The following SPRR2B variants were observed in gnomAD, a reference collection of about 807,000 sequenced individuals.
SPRR2B encodes the protein small proline-rich protein 2B.
A neutral mutation model predicts 1.0 loss-of-function variants in SPRR2B; 1 was observed. The ratio of observed to expected loss-of-function variants is 1.01; its 90% CI spans 0.36 to 4.77. The LOEUF is 4.77. Ranked by LOEUF, SPRR2B falls within the 30% of genes most tolerant of loss-of-function variation. The pLI, the probability that SPRR2B is intolerant of heterozygous loss-of-function variation, is 0.16. For missense variants in SPRR2B, 53 were observed against 88.7 expected (o/e 0.60, Z 1.62); for synonymous variants, 27 against 33.4 (o/e 0.81, Z 0.66).
the SPRR2B span, among the ~76,000 whole-genome samples, chr1:153,079,940 A>G: frequency 6.6e-6 from 1 of 152,160 alleles, no homozygotes; most frequent in Non-Finnish European, 1.5e-5. Flanking sequence ...CATTGAATCT[A>G]TAAATTACTT....
the SPRR2B span, among the ~76,000 whole-genome samples, chr1:153,076,860 C>T: frequency 6.6e-6 from 1 of 152,028 alleles, no homozygotes; most frequent in Non-Finnish European, 1.5e-5. Context: ...AATGGAATAC[C>T]ACACAATTAT....
chr1:153,076,488 G>A (rs1654768699), upstream of SPRR2B, among the ~76,000 whole-genome samples: 1 of 151,992 alleles, frequency 6.6e-6, no homozygotes, highest in Non-Finnish European at 1.5e-5. Flanking sequence ...AAGTCAAAAA[G>A]GAAAACAAAG....
chr1:153,078,387 A>T, the SPRR2B span, among the ~76,000 whole-genome samples: 1 of 152,192 alleles, frequency 6.6e-6, no homozygotes, highest in African/African-American at 2.4e-5. Context: ...TTATACTTTA[A>T]GTTTTAGGGT....
chr1:153,085,950 A>G, the SPRR2B span, among the ~76,000 whole-genome samples: 1 of 152,230 alleles, frequency 6.6e-6, no homozygotes, highest in African/African-American at 2.4e-5. Flanking sequence ...TAAGTTAAAG[A>G]GAAAAAAGAT....
the SPRR2B span, among the ~76,000 whole-genome samples, chr1:153,078,337 A>G: frequency 1.3e-5 from 2 of 151,972 alleles, no homozygotes; most frequent in South Asian, 4.2e-4. Context: ...AAAGACATGT[A>G]TATATATTTC....
the SPRR2B span, among the ~76,000 whole-genome samples, chr1:153,077,748 A>G: frequency 6.6e-6 from 1 of 151,946 alleles, no homozygotes; most frequent in East Asian, 1.9e-4. Flanking sequence ...CCTTAGTAGT[A>G]GAAGTACAGG....
At chr1:153,076,141 A>C (rs1654763753), upstream of SPRR2B, among the ~76,000 whole-genome samples, 1 of 152,204 alleles carries the variant, frequency 6.6e-6, no homozygotes, top group Non-Finnish European at 1.5e-5. Context: ...TGTTTAAGAC[A>C]ATTAAAAGAT....
the SPRR2B span, among the ~76,000 whole-genome samples, chr1:153,082,996 T>C: frequency 6.6e-5 from 10 of 152,074 alleles, no homozygotes; most frequent in African/African-American, 1.4e-4. Flanking sequence ...CTCAAATAGC[T>C]AAAATCTTAA....
upstream of SPRR2B, among the ~76,000 whole-genome samples, chr1:153,071,913 C>A (rs1654674656): frequency 6.6e-6 from 1 of 152,186 alleles, no homozygotes; most frequent in Non-Finnish European, 1.5e-5. Context: ...ATAAAACTTC[C>A]TGCCCCGATC....
At chr1:153,086,764 A>G in the SPRR2B span, among the ~76,000 whole-genome samples, 1 of 152,212 alleles carries the variant, frequency 6.6e-6, no homozygotes, top group East Asian at 1.9e-4. Context: ...ACCTAAAAAC[A>G]ACAGAATATA....
chr1:153,073,215 A>AGGTGTTT (rs1654707684), upstream of SPRR2B, among the ~76,000 whole-genome samples: 1 of 152,242 alleles, frequency 6.6e-6, no homozygotes, highest in Non-Finnish European at 1.5e-5. Flanking sequence ...CCTTGAGTCC[A>AGGTGTTT]GGTGTTTACA....
chr1:153,080,511 T>C, the SPRR2B span, among the ~76,000 whole-genome samples: 3 of 152,020 alleles, frequency 2.0e-5, no homozygotes, highest in African/African-American at 4.8e-5. Context: ...TAAAAACTTA[T>C]AATCAAATTA....
At chr1:153,076,389 T>C (rs1654767565), upstream of SPRR2B, among the ~76,000 whole-genome samples, 1 of 152,196 alleles carries the variant, frequency 6.6e-6, no homozygotes, top group Non-Finnish European at 1.5e-5. Flanking sequence ...GAAGAATATA[T>C]GGTAAATGAT....
chr1:153,077,871 G>A, the SPRR2B span, among the ~76,000 whole-genome samples: 2 of 152,048 alleles, frequency 1.3e-5, no homozygotes, highest in African/African-American at 4.8e-5. Flanking sequence ...TTAAACGGGT[G>A]TTAATTCAAA....
At chr1:153,073,444 C>T (rs1000162148), upstream of SPRR2B, among the ~76,000 whole-genome samples, 1 of 151,998 alleles carries the variant, frequency 6.6e-6, no homozygotes, top group African/African-American at 2.4e-5. Context: ...CCCTGAGACT[C>T]CCCTTCTGAG....
At chr1:153,075,346 A>T (rs995570151), upstream of SPRR2B, among the ~76,000 whole-genome samples, 29 of 152,238 alleles carry the variant, frequency 1.9e-4, no homozygotes, top group East Asian at 4.2e-3. Context: ...TATCTCAAAA[A>T]AAATAAATAA....
At chr1:153,084,531 C>T in the SPRR2B span, among the ~76,000 whole-genome samples, 1 of 152,158 alleles carries the variant, frequency 6.6e-6, no homozygotes, top group African/African-American at 2.4e-5. Context: ...ACCCTACCCA[C>T]ATACCAACAA....
At chr1:153,079,542 T>C in the SPRR2B span, among the ~76,000 whole-genome samples, 3 of 152,176 alleles carry the variant, frequency 2.0e-5, no homozygotes, top group Middle Eastern at 3.2e-3. Flanking sequence ...AATTTTTGTA[T>C]AAGGTGTAAG....
chr1:153,084,210 C>G, the SPRR2B span, among the ~76,000 whole-genome samples: 1 of 152,174 alleles, frequency 6.6e-6, no homozygotes, highest in Admixed American at 6.5e-5. Context: ...CAGAGCAACA[C>G]CCCATATCAC....
Sources: gnomAD v4.1 joint callset for allele counts (sites outside exome capture counted in the v4.1 genomes callset) on GRCh38, gnomAD v4.1.1 for gene constraint, MANE v1.5 for transcripts, NCBI Gene and HGNC (gene_info 2026-07-23, HGNC 2026-07-21) for gene names.